Variants in ARHGAP10 observed in about 807,000 individuals in gnomAD.
ARHGAP10 encodes rho GTPase-activating protein 10.
In ARHGAP10, 87 loss-of-function variants were observed where a neutral mutation model predicts 108.6. That is an observed-to-expected ratio of 0.80 (90% CI 0.67 to 0.96). ARHGAP10 has a LOEUF of 0.96. Among genes scored for constraint, ARHGAP10 ranks in the 40% least tolerant of loss-of-function variants. The pLI is 0.00. For synonymous variants in ARHGAP10, 347 were observed against 341.1 expected (o/e 1.02, Z -0.19); for missense variants, 939 against 954.5 (o/e 0.98, Z 0.21).
chr4:147,872,220 G>A (rs1271057011), intron 7 of ARHGAP10, among the ~76,000 whole-genome samples: 1 of 152,108 alleles, frequency 6.6e-6, no homozygotes, highest in Non-Finnish European at 1.5e-5. Flanking sequence ...TGGTGGAGTG[G>A]TGATGAGACA....
intron 10 of ARHGAP10, among the ~76,000 whole-genome samples, chr4:147,905,764 G>A (rs1052288636): frequency 6.7e-6 from 1 of 150,096 alleles, no homozygotes; most frequent in African/African-American, 2.4e-5. Flanking sequence ...TTCCAGTTCT[G>A]TGAAGAAAGT....
chr4:147,746,641 C>T (rs1052315369), intron 1 of ARHGAP10, among the ~76,000 whole-genome samples: 5 of 152,046 alleles, frequency 3.3e-5, no homozygotes, highest in Admixed American at 6.6e-5. Flanking sequence ...CCGCCCACCT[C>T]AGCTTCCCAA....
chr4:148,059,553 T>G (rs1729510262), intron 20 of ARHGAP10, among the ~76,000 whole-genome samples: 1 of 152,126 alleles, frequency 6.6e-6, no homozygotes, highest in Non-Finnish European at 1.5e-5. Flanking sequence ...TAATGAGCTT[T>G]TAATTATTAT....
At position 147,881,855 on chromosome 4, in the gene ARHGAP10, C is replaced by T; in HGVS notation, c.957C>T (p.Phe319=). The change falls in exon 10 of 23, where the codon TTC becomes TTT. Residue 319 remains phenylalanine (F), a synonymous_variant. Transcript: ENST00000336498. ...SGGKLGDGEV[F]FLKECTKRHT... ...ATTTGCAGGGGGACGGAGAGGTGTT[C>T]TTTTTGAAAGAATGTACCAAGAGGC... The T allele has an allele frequency of 6.2e-7, 1 of 1,613,764 alleles. No individual in the cohort carries two copies. Among genetic ancestry groups the T allele is most frequent in the Non-Finnish European group, 8.5e-7 (1 of 1,179,940 alleles).
At chr4:147,824,845 A>G (rs1469204339) in intron 3 of ARHGAP10, among the ~76,000 whole-genome samples, 1 of 152,178 alleles carries the variant, frequency 6.6e-6, no homozygotes, top group Non-Finnish European at 1.5e-5. Flanking sequence ...ACAGAGCCAA[A>G]CCATATCAGC....
intron 1 of ARHGAP10, among the ~76,000 whole-genome samples, chr4:147,774,017 G>A (rs546541742): frequency 2.0e-5 from 3 of 152,242 alleles, no homozygotes; most frequent in African/African-American, 7.2e-5. Flanking sequence ...CTCCAGCTTT[G>A]TGATCTCAGG....
chr4:147,780,966 C>T (rs1730506296), intron 1 of ARHGAP10, among the ~76,000 whole-genome samples: 1 of 152,018 alleles, frequency 6.6e-6, no homozygotes, highest in South Asian at 2.1e-4. Context: ...AGAAGACGCT[C>T]CAGAGAATGA....
intron 13 of ARHGAP10, chr4:147,916,881 G>C (rs1381301082): frequency 1.3e-5 from 2 of 152,166 alleles, no homozygotes; most frequent in Non-Finnish European, 2.9e-5. Flanking sequence ...ATAATTAACA[G>C]ATTGTTAGCA....
chr4:147,903,110 C>A (rs552474876), intron 10 of ARHGAP10, among the ~76,000 whole-genome samples: 1 of 152,268 alleles, frequency 6.6e-6, no homozygotes, highest in Non-Finnish European at 1.5e-5. Context: ...GCCAAACCAT[C>A]CCACATGGCC....
At chr4:147,744,316 G>A (rs925540748) in intron 1 of ARHGAP10, among the ~76,000 whole-genome samples, 2 of 152,002 alleles carry the variant, frequency 1.3e-5, no homozygotes, top group African/African-American at 2.4e-5. Context: ...CACATCCTGT[G>A]GATGGAAAAA....
At position 148,063,227 on chromosome 4, in the gene ARHGAP10, A is replaced by G. The variant is rs116143842; in HGVS notation, c.2107A>G (p.Thr703Ala). The G allele has an allele frequency of 3.4e-4, 552 of 1,614,124 alleles. 4 individuals carry two copies. In the African/African-American group the frequency reaches 6.3e-3, roughly 19 times the overall value. ...CACAACAAGCTCCAACTCAGCTGTG[A>G]CACCTCTTTCACCCGGGTCGTCCCC... ...PTTTSSNSAV[T>A]PLSPGSSPFP... Residue 703 changes from threonine to alanine, a missense_variant, in exon 21 of 23, where the codon ACA becomes GCA. By Grantham distance (58) the Thr-to-Ala change is moderately conservative. Coordinates refer to ENST00000336498, the MANE Select transcript of ARHGAP10 (RefSeq NM_024605.4).
At position 147,742,018 on chromosome 4, in the gene ARHGAP10, T is replaced by G. The variant is rs141759740; in HGVS notation, c.154+9563T>G. Among the ~76,000 whole-genome samples the G allele has an allele frequency of 7.7e-3, 1,179 of 152,158 alleles. 12 individuals are homozygous for G. The highest frequency in any genetic ancestry group is 0.027 in the African/African-American group (1,123 of 41,510). On this transcript the variant is annotated intron_variant, in intron 1 of 22. Transcript: ENST00000336498. ...AACGGTGAGTGTGATTTCTCCTGAC[T>G]TGTTGACTTGTTTACCCACAGGCAT...
intron 1 of ARHGAP10, among the ~76,000 whole-genome samples, chr4:147,798,811 A>G (rs1280149371): frequency 1.6e-5 from 2 of 125,776 alleles, no homozygotes; most frequent in African/African-American, 3.3e-5. Flanking sequence ...ATATATATAT[A>G]TATATAGACT....
intron 1 of ARHGAP10, among the ~76,000 whole-genome samples, chr4:147,810,314 GTGA>G (rs1375011810): frequency 6.6e-6 from 1 of 152,282 alleles, no homozygotes; most frequent in African/African-American, 2.4e-5. Flanking sequence ...GTGTTTACTA[GTGA>G]TTTCTATTTA....
chr4:148,026,981 ATC>A (rs1727891772), intron 19 of ARHGAP10, among the ~76,000 whole-genome samples: 1 of 152,192 alleles, frequency 6.6e-6, no homozygotes, highest in Non-Finnish European at 1.5e-5. Context: ...TGTCCTTACA[ATC>A]TCTTACATAA....
At chr4:147,964,829 A>G (rs1739144251) in intron 16 of ARHGAP10, among the ~76,000 whole-genome samples, 195 bp from the exon 17 acceptor site, 1 of 152,196 alleles carries the variant, frequency 6.6e-6, no homozygotes, top group South Asian at 2.1e-4. Flanking sequence ...AGGCATGAGA[A>G]GATTCATCAT....
chr4:147,773,396 T>C (rs190098357), intron 1 of ARHGAP10, among the ~76,000 whole-genome samples: 15 of 152,272 alleles, frequency 9.9e-5, no homozygotes, highest in African/African-American at 3.6e-4. Flanking sequence ...TGCTAATAAA[T>C]AAACATCCCT....
At chr4:147,938,638 G>T (rs368147714) in intron 13 of ARHGAP10, among the ~76,000 whole-genome samples, 3 of 152,166 alleles carry the variant, frequency 2.0e-5, no homozygotes, top group African/African-American at 7.2e-5. Flanking sequence ...TTTAGACTCT[G>T]ACTAGTATTC....
intron 11 of ARHGAP10, among the ~76,000 whole-genome samples, 153 bp downstream of exon 11, chr4:147,906,872 T>A (rs1303683897): frequency 6.6e-6 from 1 of 152,204 alleles, no homozygotes; most frequent in South Asian, 2.1e-4. Context: ...TTCTAGTAAT[T>A]TGGGTTGGGC....
Sources: gnomAD v4.1 joint callset for allele counts (sites outside exome capture counted in the v4.1 genomes callset) on GRCh38, gnomAD v4.1.1 for gene constraint, MANE v1.5 for transcripts, NCBI Gene and HGNC (gene_info 2026-07-23, HGNC 2026-07-21) for gene names.